TIMELESS: variants seen among roughly 807,000 people sequenced by gnomAD.
TIMELESS encodes the protein protein timeless homolog.
TIMELESS carries 124 observed loss-of-function variants against 164.3 expected under a neutral mutation model. The ratio of observed to expected loss-of-function variants is 0.75; its 90% CI spans 0.65 to 0.88. TIMELESS has a LOEUF of 0.88. Among genes scored for constraint, TIMELESS ranks in the 40% least tolerant of loss-of-function variants. The probability of loss-of-function intolerance (pLI) is 0.00; values close to 1 mark genes in which losing one functional copy is unlikely to be tolerated. For synonymous variants in TIMELESS, 564 were observed against 563.4 expected, an observed-to-expected ratio of 1.00 and a Z score of -0.02; for missense variants, 1,422 against 1,491.4, an observed-to-expected ratio of 0.95 and a Z score of 0.77.
chr12:56,448,590 A>G (rs1283464967), intron 1 of TIMELESS, among the ~76,000 whole-genome samples: 8 of 139,590 alleles, frequency 5.7e-5, no homozygotes, highest in Middle Eastern at 4.5e-3. Context: ...TTAGCCGGGC[A>G]TGGTGGCGCG....
rs812279 is a variant in TIMELESS, at chr12:56,420,786, T to A, written c.3109+27A>T. 2.1e-5 allele frequency: 34 copies of A among 1,613,612 alleles called. No homozygotes were observed. The East Asian group carries it at 5.1e-4, about 24-fold the overall frequency. Reference sequence around the variant, plus strand: ...TCTCCAATAGCCTCCAGGGCTCTTCTCCTAAAAGTGTCACCTGTCCACTCA... The same window carrying A: ...TCTCCAATAGCCTCCAGGGCTCTTCACCTAAAAGTGTCACCTGTCCACTCA... On this transcript the variant is annotated intron_variant, in intron 25 of 28. Coordinates refer to ENST00000553532, the MANE Select transcript of TIMELESS (RefSeq NM_003920.5).
At position 56,417,676 on chromosome 12, in the gene TIMELESS, T is replaced by TA; in HGVS notation, c.*39dup. ...CCAACTCTGACTTGAATGCACCATC[T>TA]AAAAACGTGTCTATCTCTACCCCTA... On this transcript the variant is annotated 3_prime_UTR_variant, in exon 29 of 29. Transcript: ENST00000553532. 6.2e-7 allele frequency: 1 copy of TA among 1,608,316 alleles called. No individual in the cohort carries two copies. The highest frequency in any genetic ancestry group is 8.5e-7 in the Non-Finnish European group (1 of 1,174,832).
At chr12:56,435,814 C>A (rs563838613) in intron 1 of TIMELESS, among the ~76,000 whole-genome samples, 1 of 152,004 alleles carries the variant, frequency 6.6e-6, no homozygotes, top group Non-Finnish European at 1.5e-5. Flanking sequence ...AAAAAATTAG[C>A]CAGGCGCGAT....
At chr12:56,426,281 C>T (rs1881675423) in intron 13 of TIMELESS, among the ~76,000 whole-genome samples, 1 of 152,074 alleles carries the variant, frequency 6.6e-6, no homozygotes, top group Non-Finnish European at 1.5e-5. Context: ...TGCAAAAATA[C>T]CCTTTAGCAA....
Position 56,434,155 on chromosome 12 carries a change from T to C in TIMELESS, c.16A>G (p.Met6Val), listed in dbSNP as rs767274046. 5 of 1,613,990 alleles carry C rather than the reference T, an allele frequency of 3.1e-6. No homozygotes were observed. In the Admixed American group the frequency reaches 8.3e-5, roughly 27 times the overall value. Residue 6 changes from methionine (M) to valine (V), a missense_variant, in exon 2 of 29, where the codon ATG becomes GTG. Coordinates refer to ENST00000553532, the MANE Select transcript of TIMELESS (RefSeq NM_003920.5). ...CATGTGGCTAGAAGTTCACAGTTCATCATGTGCAAGTCCATACATCAGTGG... is the reference window on the plus strand; with the variant it reads ...CATGTGGCTAGAAGTTCACAGTTCACCATGTGCAAGTCCATACATCAGTGG... MDLHMMNCELLATCSA... is the reference protein window; with the variant it reads MDLHMVNCELLATCSA...
At chr12:56,423,505 C>G in intron 17 of TIMELESS, 30 bp from the exon 18 acceptor site, 1 of 1,613,536 alleles carries the variant, frequency 6.2e-7, no homozygotes, top group South Asian at 1.1e-5. Context: ...GAGAGGATGT[C>G]AGCATAAGGA....
At chr12:56,435,717 T>A (rs1203735365) in intron 1 of TIMELESS, among the ~76,000 whole-genome samples, 2 of 152,148 alleles carry the variant, frequency 1.3e-5, no homozygotes, top group Non-Finnish European at 2.9e-5. Context: ...CCCAGCACTT[T>A]GGGAGGCTGA....
At chr12:56,427,679 A>G (rs1353514894) in intron 13 of TIMELESS, among the ~76,000 whole-genome samples, 1 of 152,142 alleles carries the variant, frequency 6.6e-6, no homozygotes, top group Non-Finnish European at 1.5e-5. Context: ...CCTGGATTCA[A>G]GCGATTCTGT....
At chr12:56,419,005 TTTTTTTC>T (rs1203889608) in intron 26 of TIMELESS, among the ~76,000 whole-genome samples, 1 of 150,200 alleles carries the variant, frequency 6.7e-6, no homozygotes, top group Non-Finnish European at 1.5e-5. Context: ...AGGATTTTTT[TTTTTTTC>T]TTTTTGAGGC....
At position 56,423,631 on chromosome 12, in the gene TIMELESS, C is replaced by G; in HGVS notation, c.2043G>C (p.Val681=). ...EEEEEEEELQ[V]VQVSEKEFNF... ...TAAATTCTTTCTCCGACACCTGGAC[C>G]ACTTGCAACTCCTCCTCTTCCTCCT... The change falls in exon 17 of 29, where the codon GTG becomes GTC. Residue 681 remains valine, a synonymous_variant. Transcript: ENST00000553532. 1 of 1,614,140 alleles carries G rather than the reference C, an allele frequency of 6.2e-7. No homozygotes were observed. Among genetic ancestry groups the G allele is most frequent in the East Asian group, 2.2e-5 (1 of 44,882 alleles).
intron 1 of TIMELESS, among the ~76,000 whole-genome samples, chr12:56,438,087 C>A (rs749390827): frequency 6.6e-6 from 1 of 151,906 alleles, no homozygotes; most frequent in Non-Finnish European, 1.5e-5. Context: ...TGTCACCCAG[C>A]CTGGGGTGCA....
intron 26 of TIMELESS, among the ~76,000 whole-genome samples, chr12:56,419,478 G>GTGTGTGTT (rs1881383456): frequency 6.7e-6 from 1 of 149,720 alleles, no homozygotes; most frequent in East Asian, 1.9e-4. Context: ...GTGTGTGTGT[G>GTGTGTGTT]TGTGTGTGTC....
chr12:56,435,873 G>C, intron 1 of TIMELESS, among the ~76,000 whole-genome samples: 1 of 151,520 alleles, frequency 6.6e-6, no homozygotes, highest in Non-Finnish European at 1.5e-5. Flanking sequence ...GCAGGAGAAT[G>C]GAGTGAACCC....
At position 56,417,232 on chromosome 12, in the gene TIMELESS, G is replaced by C. The variant is rs756784811; in HGVS notation, c.*484C>G. 1 of 165,402 alleles carries C rather than the reference G, an allele frequency of 6.0e-6. No individual in the cohort carries two copies. The highest frequency in any genetic ancestry group is 2.4e-5 in the African/African-American group (1 of 41,504). 10.2% of individuals were successfully genotyped at this position (165,402 alleles called of 1,614,324 possible). On this transcript the variant is annotated 3_prime_UTR_variant, in exon 29 of 29. Coordinates refer to ENST00000553532, the MANE Select transcript of TIMELESS (RefSeq NM_003920.5). ...CAAATGCAGGAATGGGCCTCTATCT[G>C]GTATCTAGAGGATGATCATAGGAAA...
chr12:56,439,539 C>T (rs1868249734), intron 1 of TIMELESS, among the ~76,000 whole-genome samples: 1 of 152,156 alleles, frequency 6.6e-6, no homozygotes, highest in African/African-American at 2.4e-5. Flanking sequence ...GGACCACAGG[C>T]ATTCAATACC....
chr12:56,417,991 T>C lies in TIMELESS; in HGVS notation c.3472A>G (p.Lys1158Glu), dbSNP rs1881323846. The C allele has an allele frequency of 6.2e-7, 1 of 1,614,098 alleles. No homozygotes were observed. Among genetic ancestry groups the C allele is most frequent in the African/African-American group, 1.3e-5 (1 of 74,930 alleles). ...ASPEEEDAVG[K>E]EPLKAAPKKR... The stretch of plus-strand genomic sequence containing the variant: ...TTGGGTGCTGCCTTCAGCGGCTCTT[T>C]ACCAACAGCGTCTTCCTCTGCAATG... Residue 1158 changes from lysine (K) to glutamate (E), a missense_variant, in exon 28 of 29, where the codon AAA becomes GAA. Transcript: ENST00000553532.
chr12:56,427,681 C>T (rs1028768291), intron 13 of TIMELESS, among the ~76,000 whole-genome samples: 1 of 152,254 alleles, frequency 6.6e-6, no homozygotes, highest in East Asian at 1.9e-4. Flanking sequence ...TGGATTCAAG[C>T]GATTCTGTCT....
intron 18 of TIMELESS, 82 bp from the exon 19 acceptor site, chr12:56,423,074 C>T (rs998309902): frequency 1.3e-6 from 2 of 1,507,534 alleles, no homozygotes; most frequent in African/African-American, 2.8e-5. Context: ...TTCTCTATAG[C>T]TGTTCCCAGC....
At position 56,435,883 on chromosome 12, in the gene TIMELESS, C is replaced by T. The variant is rs147786487; in HGVS notation, c.-61-1652G>A. Among the ~76,000 whole-genome samples, 448 of 150,494 alleles carry T rather than the reference C, an allele frequency of 3.0e-3. 3 individuals are homozygous for T. The highest frequency in any genetic ancestry group is 0.01 in the African/African-American group (421 of 40,836). On this transcript the variant is annotated intron_variant, in intron 1 of 28. Transcript: ENST00000553532. ...CTGAGGCAGGAGAATGGAGTGAACC[C>T]GAGAGGTGGAGCTTGCAGTGAGCAG... is the stretch of plus-strand genomic sequence containing the variant.
Sources: gnomAD v4.1 joint callset for allele counts (sites outside exome capture counted in the v4.1 genomes callset) on GRCh38, gnomAD v4.1.1 for gene constraint, MANE v1.5 for transcripts, NCBI Gene and HGNC (gene_info 2026-07-23, HGNC 2026-07-21) for gene names.